Variants in AK9 observed in about 807,000 individuals in gnomAD.
AK9 encodes the protein adenylate kinase domain containing 1.
Under a neutral mutation model 239.6 loss-of-function variants are expected in AK9, and 191 were observed. The observed-to-expected ratio is 0.80, with a 90% CI of 0.71 to 0.90. AK9 has a LOEUF of 0.90. Ranked by LOEUF, AK9 falls within the 40% of genes least tolerant of loss-of-function variation. AK9 has a pLI of 0.00. For synonymous variants in AK9, 689 were observed against 721.0 expected, an observed-to-expected ratio of 0.96 and a Z score of 0.71; for missense variants, 1,995 against 2,214.7, an observed-to-expected ratio of 0.90 and a Z score of 1.99.
At chr6:109,498,059 T>C in intron 36 of AK9, 94 bp from the exon 37 acceptor site, 1 of 1,234,364 alleles carries the variant, frequency 8.1e-7, no homozygotes, top group East Asian at 2.5e-5. Flanking sequence ...CCTCCCCATT[T>C]TCAGTAGCAG....
At chr6:109,532,737 A>G (rs1318986177) in intron 28 of AK9, among the ~76,000 whole-genome samples, 5 of 152,284 alleles carry the variant, frequency 3.3e-5, no homozygotes, top group African/African-American at 1.2e-4. Flanking sequence ...ATGTGGACAT[A>G]TATTTTCATT....
At chr6:109,555,544 G>C (rs1019483249) in intron 24 of AK9, among the ~76,000 whole-genome samples, 2 of 152,212 alleles carry the variant, frequency 1.3e-5, no homozygotes, top group African/African-American at 4.8e-5. Flanking sequence ...ATCCAGAGTT[G>C]AGTTCAAGTC....
intron 24 of AK9, among the ~76,000 whole-genome samples, chr6:109,557,942 C>T (rs546977442): frequency 6.6e-6 from 1 of 152,312 alleles, no homozygotes; most frequent in South Asian, 2.1e-4. Context: ...TAATCACTAT[C>T]TAATAGTGTC....
chr6:109,674,238 G>C lies in AK9; in HGVS notation c.141C>G (p.Ala47=), dbSNP rs1771371064. ...GKPGVGKTTL[A]RYITQAWKCI... ...ATTTCCATGCCTGTGTTATGTAACG[G>C]GCTAATGTTGTTTTCCCAACACCCT... Residue 47 remains alanine, a synonymous_variant, in exon 3 of 41, where the codon GCC becomes GCG. Coordinates refer to ENST00000424296, the MANE Select transcript of AK9 (RefSeq NM_001145128.3). 6.3e-7 allele frequency: 1 copy of C among 1,586,514 alleles called. No individual in the cohort carries two copies. Among genetic ancestry groups the C allele is most frequent in the East Asian group, 2.3e-5 (1 of 43,818 alleles).
At chr6:109,660,565 T>TA (rs1800287148) in intron 6 of AK9, among the ~76,000 whole-genome samples, 1 of 152,344 alleles carries the variant, frequency 6.6e-6, no homozygotes, top group South Asian at 2.1e-4. Context: ...TTAGGCTTCC[T>TA]AATTTTTCAC....
chr6:109,501,825 T>A lies in AK9; in HGVS notation c.4850-2585A>T, dbSNP rs1487026881. ...TAGGTTCTGGTCTTCTCTGAAGAGC[T>A]GAGAGCCAGCTGGATGGGATCTCCT... is the stretch of plus-strand genomic sequence containing the variant. On this transcript the variant is annotated intron_variant, in intron 35 of 40. Transcript: ENST00000424296. Among the ~76,000 whole-genome samples, 4 of 152,358 alleles carry A rather than the reference T, an allele frequency of 2.6e-5. No individual in the cohort carries two copies. In the East Asian group the frequency reaches 7.7e-4, roughly 29 times the overall value.
At chr6:109,600,184 T>C (rs1225107491) in intron 17 of AK9, among the ~76,000 whole-genome samples, 3 of 152,214 alleles carry the variant, frequency 2.0e-5, no homozygotes, top group Non-Finnish European at 4.4e-5. Context: ...TTCCAGTTTT[T>C]GCCCATTCAG....
At chr6:109,648,160 T>C (rs1798347489) in intron 8 of AK9, among the ~76,000 whole-genome samples, 1 of 151,992 alleles carries the variant, frequency 6.6e-6, no homozygotes, top group Admixed American at 6.6e-5. Flanking sequence ...ATTGACACCC[T>C]AACATCACAA....
rs574846118 is a variant in AK9, at chr6:109,619,978, G to C, written c.1255-742C>G. 1.9e-4 allele frequency among the ~76,000 whole-genome samples: 29 copies of C among 152,198 alleles called. No individual in the cohort carries two copies. The South Asian group carries it at 5.6e-3, about 29-fold the overall frequency. ...AGCAGAATGTTTTGGAGATTCATCA[G>C]TGTTATTGTGGGTATCCTTTTTATT... is the stretch of plus-strand genomic sequence containing the variant. On this transcript the variant is annotated intron_variant, in intron 12 of 40. Coordinates refer to ENST00000424296, the MANE Select transcript of AK9 (RefSeq NM_001145128.3).
intron 24 of AK9, among the ~76,000 whole-genome samples, chr6:109,554,307 C>T (rs1478893725): frequency 2.0e-5 from 3 of 152,092 alleles, no homozygotes; most frequent in Non-Finnish European, 4.4e-5. Flanking sequence ...TATAATTCAG[C>T]TGTGAATGCA....
At chr6:109,667,765 A>G (rs1331036475) in intron 5 of AK9, among the ~76,000 whole-genome samples, 1 of 152,138 alleles carries the variant, frequency 6.6e-6, no homozygotes, top group Non-Finnish European at 1.5e-5. Flanking sequence ...GTATTGCATG[A>G]TGTATATGTG....
chr6:109,589,306 G>A (rs1006917275), intron 17 of AK9, among the ~76,000 whole-genome samples: 2 of 152,170 alleles, frequency 1.3e-5, no homozygotes, highest in Non-Finnish European at 2.9e-5. Context: ...TTGGTTAAAT[G>A]TATTCCTGGG....
At chr6:109,590,298 G>A (rs1454433874) in intron 17 of AK9, among the ~76,000 whole-genome samples, 26 of 152,126 alleles carry the variant, frequency 1.7e-4, no homozygotes, top group Admixed American at 1.6e-3. Flanking sequence ...CATCTTGGGA[G>A]GATGTATATT....
At chr6:109,538,805 G>A (rs1782405614) in intron 27 of AK9, among the ~76,000 whole-genome samples, 1 of 152,120 alleles carries the variant, frequency 6.6e-6, no homozygotes, top group Non-Finnish European at 1.5e-5. Flanking sequence ...GCCTGGTGGT[G>A]ACAAAATCTC....
rs78464007 is a variant in AK9 at position 109,560,221 on chromosome 6, A to C, written c.2751+3376T>G. ...CACAATAGAAAATCTTATCTCCTAC[A>C]TATAAAGATAGTTGCATCTTTCTTT... On this transcript the variant is annotated intron_variant, in intron 24 of 40. Coordinates refer to ENST00000424296, the MANE Select transcript of AK9 (RefSeq NM_001145128.3). Among the ~76,000 whole-genome samples the C allele has an allele frequency of 4.6e-3, 700 of 152,348 alleles. 2 individuals carry two copies. Among genetic ancestry groups the C allele is most frequent in the South Asian group, 0.011 (53 of 4,824 alleles).
At chr6:109,663,967 T>C (rs1268913170) in intron 5 of AK9, among the ~76,000 whole-genome samples, 2 of 152,300 alleles carry the variant, frequency 1.3e-5, no homozygotes, top group East Asian at 3.9e-4. Flanking sequence ...AAGCAATATA[T>C]TGCAACAGAT....
chr6:109,503,476 C>T (rs542444757), intron 35 of AK9, among the ~76,000 whole-genome samples: 70 of 152,236 alleles, frequency 4.6e-4, no homozygotes, highest in Middle Eastern at 3.4e-3. Flanking sequence ...TCTCTAAGCC[C>T]CAGCCTTGTA....
chr6:109,645,730 C>T (rs1299110081), intron 8 of AK9, among the ~76,000 whole-genome samples: 2 of 152,322 alleles, frequency 1.3e-5, no homozygotes, highest in African/African-American at 2.4e-5. Flanking sequence ...AGAGTTTGAG[C>T]TCTGAGAATG....
chr6:109,668,230 C>T (rs1465616784), intron 5 of AK9, among the ~76,000 whole-genome samples: 2 of 151,816 alleles, frequency 1.3e-5, no homozygotes, highest in African/African-American at 2.4e-5. Context: ...TATCCTTTGC[C>T]CACTTTTTGA....
Sources: gnomAD v4.1 joint callset for allele counts (sites outside exome capture counted in the v4.1 genomes callset) on GRCh38, gnomAD v4.1.1 for gene constraint, MANE v1.5 for transcripts, NCBI Gene and HGNC (gene_info 2026-07-23, HGNC 2026-07-21) for gene names.